The following NRG1 variants were observed in gnomAD, a reference collection of about 807,000 sequenced individuals.
NRG1 encodes the protein neuregulin 1.
Under a neutral mutation model 63.8 loss-of-function variants are expected in NRG1, and 18 were observed. The ratio of observed to expected loss-of-function variants is 0.28; its 90% CI spans 0.19 to 0.42. The LOEUF (loss-of-function observed/expected upper bound fraction) is 0.42, where lower values mean the gene tolerates loss of function less well. Ranked by LOEUF, NRG1 falls within the 10% of genes least tolerant of loss-of-function variation. The pLI is 1.00. For synonymous variants in NRG1, 302 were observed against 301.3 expected, an observed-to-expected ratio of 1.00 and a Z score of -0.02; for missense variants, 762 against 814.7, an observed-to-expected ratio of 0.94 and a Z score of 0.79.
chr8:31,928,854 T>C (rs1431933865), intron 1 of NRG1, among the ~76,000 whole-genome samples: 4 of 151,964 alleles, frequency 2.6e-5, no homozygotes, highest in African/African-American at 4.8e-5. Context: ...ATAACGGACA[T>C]TGGAGACTAA....
intron 1 of NRG1, among the ~76,000 whole-genome samples, chr8:32,527,742 A>AATTT (rs996063741): frequency 6.6e-6 from 1 of 152,180 alleles, no homozygotes; most frequent in African/African-American, 2.4e-5. Flanking sequence ...CTTTACCTAA[A>AATTT]AACACACTCT....
intron 1 of NRG1, among the ~76,000 whole-genome samples, chr8:31,731,008 G>C (rs149901497): frequency 2.0e-5 from 3 of 152,072 alleles, no homozygotes; most frequent in African/African-American, 2.4e-5. Flanking sequence ...TGAAACAGCG[G>C]TTTTTCTCCT....
chr8:32,734,627 C>T (rs577714633), intron 6 of NRG1, among the ~76,000 whole-genome samples: 16 of 152,274 alleles, frequency 1.1e-4, no homozygotes, highest in South Asian at 6.2e-4. Flanking sequence ...GCTCTTCAGA[C>T]GACTGTGTCC....
chr8:32,693,631 C>G (rs1477510772), intron 5 of NRG1, among the ~76,000 whole-genome samples: 2 of 151,062 alleles, frequency 1.3e-5, no homozygotes, highest in Non-Finnish European at 2.9e-5. Flanking sequence ...GAGGCTCCTC[C>G]TTTTTAGCCA....
chr8:32,510,382 A>G (rs1365214604), intron 1 of NRG1, among the ~76,000 whole-genome samples: 1 of 151,908 alleles, frequency 6.6e-6, no homozygotes, highest in African/African-American at 2.4e-5. Context: ...AAAATAAAAA[A>G]AGGAGGAAAG....
chr8:32,416,960 C>G (rs1446166759), intron 1 of NRG1, among the ~76,000 whole-genome samples: 3 of 152,148 alleles, frequency 2.0e-5, no homozygotes, highest in African/African-American at 7.2e-5. Flanking sequence ...TGCTGAGATA[C>G]AGGCATGAAG....
intron 1 of NRG1, among the ~76,000 whole-genome samples, chr8:32,394,417 G>C (rs960896370): frequency 2.0e-5 from 3 of 152,112 alleles, no homozygotes; most frequent in African/African-American, 7.2e-5. Context: ...CGTCTTCTCT[G>C]TCACTAACCT....
intron 1 of NRG1, among the ~76,000 whole-genome samples, chr8:31,860,255 A>G (rs985006358): frequency 6.6e-6 from 1 of 152,210 alleles, no homozygotes; most frequent in Non-Finnish European, 1.5e-5. Flanking sequence ...TATTGTAACA[A>G]TGTCAGGGGC....
At chr8:31,712,934 GAATCAATC>G (rs372473636) in intron 1 of NRG1, among the ~76,000 whole-genome samples, 1 of 151,174 alleles carries the variant, frequency 6.6e-6, no homozygotes, top group Non-Finnish European at 1.5e-5. Flanking sequence ...TGTCTATTAT[GAATCAATC>G]AATCAATCAA....
intron 1 of NRG1, among the ~76,000 whole-genome samples, chr8:32,494,564 A>T (rs1826973515): frequency 6.6e-6 from 1 of 152,222 alleles, no homozygotes; most frequent in Non-Finnish European, 1.5e-5. Flanking sequence ...ATTCTGTAGC[A>T]ATCAGCCATG....
In NRG1 at chr8:32,035,242, G is replaced by A. The variant is rs927440640; in HGVS notation, c.37+395811G>A. The stretch of plus-strand genomic sequence containing the variant: ...CAGGAGCAGGTTGTTCAATTTCGAT[G>A]TAGTTGTGTGGTTTTGAGTGAGTTT... On this transcript the variant is annotated intron_variant, in intron 1 of 10. Transcript: ENST00000519301. Among the ~76,000 whole-genome samples, 8 of 152,272 alleles carry A rather than the reference G, an allele frequency of 5.3e-5. No individual in the cohort carries two copies. The East Asian group carries it at 1.2e-3, about 22-fold the overall frequency.
intron 1 of NRG1, among the ~76,000 whole-genome samples, chr8:32,070,383 TATA>T (rs1303419409): frequency 1.3e-5 from 2 of 152,194 alleles, no homozygotes; most frequent in African/African-American, 4.8e-5. Flanking sequence ...TGTTAGATGA[TATA>T]ATATCTTTCA....
chr8:32,082,695 T>G (rs1166558807), intron 1 of NRG1, among the ~76,000 whole-genome samples: 1 of 152,172 alleles, frequency 6.6e-6, no homozygotes, highest in Non-Finnish European at 1.5e-5. Flanking sequence ...GACATGCATT[T>G]GAACTCCTAC....
chr8:31,967,465 G>C (rs976579031), intron 1 of NRG1, among the ~76,000 whole-genome samples: 1 of 152,114 alleles, frequency 6.6e-6, no homozygotes, highest in African/African-American at 2.4e-5. Context: ...AAGATGAACT[G>C]TCAGGGATTA....
chr8:32,729,018 A>C (rs1822973002), intron 6 of NRG1, among the ~76,000 whole-genome samples: 4 of 152,194 alleles, frequency 2.6e-5, no homozygotes, highest in Admixed American at 2.6e-4. Flanking sequence ...CAGTGAGCCG[A>C]GATTGCACCA....
chr8:32,756,250 A>G (rs1026750363), intron 8 of NRG1, among the ~76,000 whole-genome samples, 153 bp from the exon 9 acceptor site: 2 of 152,092 alleles, frequency 1.3e-5, no homozygotes, highest in Admixed American at 6.6e-5. Context: ...GGTTTCACTT[A>G]TTCTGGGATA....
intron 1 of NRG1, among the ~76,000 whole-genome samples, chr8:32,181,047 C>T (rs1277905908): frequency 6.6e-6 from 1 of 152,124 alleles, no homozygotes; most frequent in Admixed American, 6.6e-5. Flanking sequence ...TGTAATGGTG[C>T]TGTTCATATT....
At chr8:32,668,023 G>A (rs1804670176) in intron 5 of NRG1, among the ~76,000 whole-genome samples, 2 of 151,968 alleles carry the variant, frequency 1.3e-5, no homozygotes, top group South Asian at 4.2e-4. Context: ...GACCAGCCTG[G>A]CCAAAATGGT....
At chr8:32,467,171 T>C (rs898893362) in intron 1 of NRG1, among the ~76,000 whole-genome samples, 1 of 152,144 alleles carries the variant, frequency 6.6e-6, no homozygotes, top group African/African-American at 2.4e-5. Context: ...CAAAGCAACA[T>C]AGGAGAAAAG....
Sources: allele counts gnomAD v4.1 joint callset (sites outside exome capture counted in the v4.1 genomes callset), GRCh38; gene constraint gnomAD v4.1.1; transcripts MANE v1.5; gene names NCBI Gene and HGNC (gene_info 2026-07-23, HGNC 2026-07-21).